The following OSBPL1A variants were observed in gnomAD, a reference collection of about 807,000 sequenced individuals.
OSBPL1A encodes the protein oxysterol-binding protein-related protein 1.
Under a neutral mutation model 137.1 loss-of-function variants are expected in OSBPL1A, and 80 were observed. That is an observed-to-expected ratio of 0.58 (90% CI 0.49 to 0.70). The LOEUF is 0.70. OSBPL1A is among the 30% of genes least tolerant of loss of function. OSBPL1A has a pLI of 0.00. For missense variants in OSBPL1A, 970 were observed against 1,129.4 expected (o/e 0.86, Z 2.02); for synonymous variants, 365 against 389.7 (o/e 0.94, Z 0.75).
intron 1 of OSBPL1A, 105 bp downstream of exon 1, chr18:24,397,550 C>G (rs1447146657): frequency 6.8e-6 from 1 of 147,658 alleles, no homozygotes; most frequent in Non-Finnish European, 1.5e-5. Context: ...GGAGCGCCCA[C>G]CCCCAACCAG....
rs559387806 is a variant in OSBPL1A, at chr18:24,369,480, G to A, written c.122-1108C>T. ...TGGGGCTGTTACAGCCCAAGAACAT[G>A]TTATTCCAGGGGCCACTGCAGGGAA... On this transcript the variant is annotated intron_variant, in intron 2 of 27. Coordinates refer to ENST00000319481, the MANE Select transcript of OSBPL1A (RefSeq NM_080597.4). Among the ~76,000 whole-genome samples the A allele has an allele frequency of 2.6e-5, 4 of 152,256 alleles. 1 individual carries two copies. Among genetic ancestry groups the A allele is most frequent in the African/African-American group, 9.6e-5 (4 of 41,546 alleles).
chr18:24,330,804 CT>C (rs374229647), intron 7 of OSBPL1A, among the ~76,000 whole-genome samples: 2,281 of 142,770 alleles, frequency 0.016, 65 homozygotes, highest in African/African-American at 0.056. Context: ...GAAACTATTT[CT>C]TTTTTTTTGA....
chr18:24,294,127 G>A (rs1164271752), intron 14 of OSBPL1A, among the ~76,000 whole-genome samples: 2 of 151,798 alleles, frequency 1.3e-5, no homozygotes, highest in Non-Finnish European at 2.9e-5. Flanking sequence ...AATAGGTGGT[G>A]TTTGGTTACA....
At chr18:24,200,553 C>T (rs2087188739) in intron 17 of OSBPL1A, among the ~76,000 whole-genome samples, 1 of 142,918 alleles carries the variant, frequency 7.0e-6, no homozygotes, top group South Asian at 2.2e-4. Context: ...CAGAGTGAGA[C>T]TCCGTGTCAA....
intron 17 of OSBPL1A, among the ~76,000 whole-genome samples, chr18:24,199,828 C>A (rs371142848): frequency 6.6e-6 from 1 of 152,068 alleles, no homozygotes; most frequent in African/African-American, 2.4e-5. Context: ...CCAGTCAGGG[C>A]ACAGAAAGGC....
rs1263717772 is a variant in OSBPL1A at position 24,287,206 on chromosome 18, T to C, written c.1175-6258A>G. Among the ~76,000 whole-genome samples, 5 of 152,200 alleles carry C rather than the reference T, an allele frequency of 3.3e-5. 1 individual carries two copies. The highest frequency in any genetic ancestry group is 1.2e-4 in the African/African-American group (5 of 41,448). ...GGAAATCTTCATCAAAGGGTATAAC[T>C]GGGTTTGCATCACTTCTGATTGAAT... is the stretch of plus-strand genomic sequence containing the variant. On this transcript the variant is annotated intron_variant, in intron 14 of 27. Transcript: ENST00000319481.
chr18:24,342,285 CA>C (rs1301615489), intron 4 of OSBPL1A, among the ~76,000 whole-genome samples: 1 of 152,128 alleles, frequency 6.6e-6, no homozygotes, highest in Non-Finnish European at 1.5e-5. Flanking sequence ...ATGGAAATTT[CA>C]AATGATAATG....
intron 4 of OSBPL1A, among the ~76,000 whole-genome samples, chr18:24,362,098 T>C (rs1379432284): frequency 6.7e-6 from 1 of 148,496 alleles, no homozygotes; most frequent in Non-Finnish European, 1.5e-5. Flanking sequence ...CCTGGAAGAG[T>C]ATAGTTTCCT....
intron 5 of OSBPL1A, among the ~76,000 whole-genome samples, chr18:24,336,289 T>C (rs963223758): frequency 2.0e-5 from 3 of 152,232 alleles, no homozygotes; most frequent in Non-Finnish European, 2.9e-5. Flanking sequence ...AAAGATACCC[T>C]ATTGTTTCTT....
intron 17 of OSBPL1A, among the ~76,000 whole-genome samples, chr18:24,211,114 C>T (rs2087527541): frequency 6.6e-6 from 1 of 152,040 alleles, no homozygotes; most frequent in Non-Finnish European, 1.5e-5. Flanking sequence ...TACAGGTGCC[C>T]ACCACCACGC....
At position 24,282,807 on chromosome 18, in the gene OSBPL1A, A is replaced by G. The variant is rs187219806; in HGVS notation, c.1175-1859T>C. Among the ~76,000 whole-genome samples, 3 of 152,292 alleles carry G rather than the reference A, an allele frequency of 2.0e-5. No homozygotes were observed. The East Asian group carries it at 5.8e-4, about 29-fold the overall frequency. On this transcript the variant is annotated intron_variant, in intron 14 of 27. Transcript: ENST00000319481. ...TCGGGACAGAACAAGATTTGTTAAA[A>G]GACACAAGATTACAGCTAGGGCGAG...
intron 15 of OSBPL1A, among the ~76,000 whole-genome samples, chr18:24,267,941 T>A (rs2089623875): frequency 6.6e-6 from 1 of 151,826 alleles, no homozygotes; most frequent in Non-Finnish European, 1.5e-5. Flanking sequence ...AATGAAGAAT[T>A]ACAAAAAGAA....
At chr18:24,347,407 A>C (rs1039041198) in intron 4 of OSBPL1A, among the ~76,000 whole-genome samples, 9 of 151,136 alleles carry the variant, frequency 6.0e-5, no homozygotes, top group African/African-American at 2.2e-4. Context: ...CTGGTCTTGA[A>C]CTCTTGACCT....
chr18:24,285,018 C>G (rs535489648), intron 14 of OSBPL1A, among the ~76,000 whole-genome samples: 1 of 152,256 alleles, frequency 6.6e-6, no homozygotes, highest in Middle Eastern at 3.4e-3. Flanking sequence ...TATGACCACA[C>G]CACTGCACTT....
chr18:24,357,014 A>G (rs1168776918), intron 4 of OSBPL1A: 1 of 152,252 alleles, frequency 6.6e-6, no homozygotes, highest in Non-Finnish European at 1.5e-5. Flanking sequence ...CACATGGACA[A>G]GAGTATACAT....
At chr18:24,285,437 T>A (rs2090051702) in intron 14 of OSBPL1A, among the ~76,000 whole-genome samples, 1 of 152,316 alleles carries the variant, frequency 6.6e-6, no homozygotes, top group South Asian at 2.1e-4. Context: ...TATATTACTA[T>A]AGGTTGGTTG....
intron 15 of OSBPL1A, among the ~76,000 whole-genome samples, chr18:24,250,189 T>TTTTTTTTG (rs2089043904): frequency 4.6e-5 from 1 of 21,802 alleles, no homozygotes; most frequent in Admixed American, 8.1e-4. Context: ...TTTGTTTGTT[T>TTTTTTTTG]TTTTTGACAT....
chr18:24,195,048 C>G (rs1028741873), intron 18 of OSBPL1A, among the ~76,000 whole-genome samples: 1 of 152,158 alleles, frequency 6.6e-6, no homozygotes, highest in Non-Finnish European at 1.5e-5. Context: ...CCTGTAATCC[C>G]AACACTTTGG....
At chr18:24,247,154 GAGAA>G (rs1268504728) in intron 15 of OSBPL1A, among the ~76,000 whole-genome samples, 2 of 152,214 alleles carry the variant, frequency 1.3e-5, no homozygotes, top group Non-Finnish European at 2.9e-5. Flanking sequence ...CAGAAATGCT[GAGAA>G]AGAGTCAGCA....
Sources: gnomAD v4.1 joint callset for allele counts (sites outside exome capture counted in the v4.1 genomes callset) on GRCh38, gnomAD v4.1.1 for gene constraint, MANE v1.5 for transcripts, NCBI Gene and HGNC (gene_info 2026-07-23, HGNC 2026-07-21) for gene names.